CD247: variants seen among roughly 807,000 people sequenced by gnomAD.
CD247 encodes T-cell surface glycoprotein CD3 zeta chain.
Under a neutral mutation model 30.0 loss-of-function variants are expected in CD247, and 13 were observed. The ratio of observed to expected loss-of-function variants is 0.43; its 90% CI spans 0.28 to 0.69. CD247 has a LOEUF of 0.69. CD247 is among the 30% of genes least tolerant of loss of function. CD247 has a pLI of 0.16. For synonymous variants in CD247, 72 were observed against 80.0 expected, an observed-to-expected ratio of 0.90 and a Z score of 0.53; for missense variants, 193 against 212.6, an observed-to-expected ratio of 0.91 and a Z score of 0.57.
intron 1 of CD247, among the ~76,000 whole-genome samples, chr1:167,468,532 G>T: frequency 6.6e-6 from 1 of 152,026 alleles, no homozygotes; most frequent in East Asian, 1.9e-4. Context: ...AGTTTAATTC[G>T]AAGACTCCTC....
At chr1:167,438,476 T>G (rs914795863) in intron 4 of CD247, 94 bp downstream of exon 4, 2 of 969,066 alleles carry the variant, frequency 2.1e-6, no homozygotes, top group Admixed American at 1.7e-5. Context: ...GGGTCGAGTC[T>G]GGTTGCAGAG....
chr1:167,487,098 G>T (rs921259693), intron 1 of CD247, among the ~76,000 whole-genome samples: 7 of 147,596 alleles, frequency 4.7e-5, no homozygotes, highest in African/African-American at 1.8e-4. Context: ...GAAGAAAACG[G>T]CCGGGTGTGA....
chr1:167,430,837 T>A lies in CD247; in HGVS notation c.*844A>T, dbSNP rs1052231. 329,157 of 398,660 alleles carry A rather than the reference T, an allele frequency of 0.83. 136,198 individuals carry two copies. The highest frequency in any genetic ancestry group is 0.87 in the South Asian group (6,847 of 7,858). 24.7% of individuals were successfully genotyped at this position (398,660 alleles called of 1,614,324 possible). On this transcript the variant is annotated 3_prime_UTR_variant, in exon 8 of 8. Transcript: ENST00000362089. ...GTCCGCTGGGCAGTTATAGGTCCCA[T>A]GTGTTGGGTCTTCCTGCGAGGCCTT...
intron 1 of CD247, among the ~76,000 whole-genome samples, chr1:167,488,758 T>A (rs905361587): frequency 6.6e-6 from 1 of 152,200 alleles, no homozygotes; most frequent in African/African-American, 2.4e-5. Context: ...ATTGAGAGAT[T>A]TTTGAAAAAT....
At chr1:167,470,240 C>T (rs187838070) in intron 1 of CD247, among the ~76,000 whole-genome samples, 3 of 152,166 alleles carry the variant, frequency 2.0e-5, no homozygotes, top group East Asian at 3.9e-4. Context: ...AAATATCATC[C>T]GTATACTGTT....
At chr1:167,514,147 AT>A (rs1038906142) in intron 1 of CD247, among the ~76,000 whole-genome samples, 3 of 141,066 alleles carry the variant, frequency 2.1e-5, no homozygotes, top group East Asian at 2.6e-4. Flanking sequence ...TATTTTATTT[AT>A]TTTTTTGAGA....
chr1:167,440,637 C>A, intron 2 of CD247, 27 bp downstream of exon 2: 2 of 1,517,878 alleles, frequency 1.3e-6, no homozygotes, highest in East Asian at 2.3e-5. Flanking sequence ...ACCCCGTGCC[C>A]TCCTCCCAAA....
chr1:167,469,746 A>T (rs1376158444), intron 1 of CD247, among the ~76,000 whole-genome samples: 2 of 152,092 alleles, frequency 1.3e-5, no homozygotes, highest in Non-Finnish European at 2.9e-5. Flanking sequence ...GCTGTTTGAA[A>T]GCCTGTGATT....
At chr1:167,461,969 A>G (rs1017494673) in intron 1 of CD247, among the ~76,000 whole-genome samples, 5 of 152,222 alleles carry the variant, frequency 3.3e-5, no homozygotes, top group African/African-American at 1.2e-4. Flanking sequence ...TTCTTCAGGC[A>G]CACAGCAGCA....
At position 167,432,933 on chromosome 1, in the gene CD247, T is replaced by C. The variant is rs1254526090; in HGVS notation, c.429+91A>G. 5 of 1,417,476 alleles carry C rather than the reference T, an allele frequency of 3.5e-6. No homozygotes were observed. The East Asian group carries it at 1.1e-4, about 32-fold the overall frequency. The allele number at this position is 1,417,476 out of a possible 1,614,324, so 87.8% of individuals were successfully genotyped here. ...GCCCTGCCCAGCTGTTGGCAAGAGC[T>C]GGTGCCACCAGCAGGCAAAATGTGG... is the stretch of plus-strand genomic sequence containing the variant. On this transcript the variant is annotated intron_variant, in intron 7 of 7. Coordinates refer to ENST00000362089, the MANE Select transcript of CD247 (RefSeq NM_198053.3).
intron 1 of CD247, among the ~76,000 whole-genome samples, chr1:167,465,389 G>A (rs1653200019): frequency 6.9e-6 from 1 of 144,818 alleles, no homozygotes; most frequent in South Asian, 2.2e-4. Flanking sequence ...GGAGTGCAGT[G>A]GTGATCTCAG....
intron 5 of CD247, chr1:167,434,389 C>T: frequency 2.3e-6 from 1 of 439,370 alleles, no homozygotes; most frequent in Admixed American, 3.6e-5. Flanking sequence ...CTGGGCAAAA[C>T]AAGGGCTCAC....
At position 167,505,031 on chromosome 1, in the gene CD247, T is replaced by A. The variant is rs542304324; in HGVS notation, c.58+13377A>T. 3.1e-4 allele frequency among the ~76,000 whole-genome samples: 47 copies of A among 152,380 alleles called. 1 individual carries two copies. The South Asian group carries it at 9.5e-3, about 31-fold the overall frequency. The stretch of plus-strand genomic sequence containing the variant: ...CACGACAGCTTTTCTTTAAATATTC[T>A]ACCTATATTTACATATTATTATAAT... On this transcript the variant is annotated intron_variant, in intron 1 of 7. Transcript: ENST00000362089.
At chr1:167,449,082 T>G (rs1652223768) in intron 1 of CD247, among the ~76,000 whole-genome samples, 2 of 152,064 alleles carry the variant, frequency 1.3e-5, no homozygotes, top group Non-Finnish European at 2.9e-5. Flanking sequence ...AATGTTTCTC[T>G]TCTTGTATTT....
intron 1 of CD247, among the ~76,000 whole-genome samples, chr1:167,499,167 T>A (rs1002427053): frequency 4.6e-5 from 7 of 152,184 alleles, no homozygotes; most frequent in Non-Finnish European, 8.8e-5. Flanking sequence ...TTTGGCAACG[T>A]CTAAAGATAT....
chr1:167,510,484 C>T (rs1433162702), intron 1 of CD247, among the ~76,000 whole-genome samples: 1 of 152,242 alleles, frequency 6.6e-6, no homozygotes, highest in African/African-American at 2.4e-5. Context: ...GATGGGTCAC[C>T]TGGCTCAGCT....
intron 1 of CD247, among the ~76,000 whole-genome samples, chr1:167,446,421 GT>G (rs1278447532): frequency 1.3e-5 from 2 of 152,198 alleles, no homozygotes; most frequent in African/African-American, 4.8e-5. Context: ...TTATTGGCTT[GT>G]TTTGGAACAG....
chr1:167,432,755 G>A (rs953345982), intron 7 of CD247, among the ~76,000 whole-genome samples: 1 of 152,228 alleles, frequency 6.6e-6, no homozygotes, highest in South Asian at 2.1e-4. Flanking sequence ...CGGGGAGGCT[G>A]CGTACCCTCT....
intron 1 of CD247, among the ~76,000 whole-genome samples, chr1:167,509,188 G>A (rs900830566): frequency 1.4e-4 from 22 of 152,050 alleles, no homozygotes; most frequent in African/African-American, 5.3e-4. Flanking sequence ...CCAACATGGA[G>A]AAACCCTGTC....
Sources: gnomAD v4.1 joint callset for allele counts (sites outside exome capture counted in the v4.1 genomes callset) on GRCh38, gnomAD v4.1.1 for gene constraint, MANE v1.5 for transcripts, NCBI Gene and HGNC (gene_info 2026-07-23, HGNC 2026-07-21) for gene names.